The following PHLPP1 variants were observed in gnomAD, a reference collection of about 807,000 sequenced individuals.
The protein encoded by PHLPP1 is PH domain leucine-rich repeat-containing protein phosphatase 1.
Under a neutral mutation model 117.2 loss-of-function variants are expected in PHLPP1, and 42 were observed. The observed-to-expected ratio is 0.36, with a 90% CI of 0.28 to 0.46. The LOEUF (loss-of-function observed/expected upper bound fraction) is 0.46. Ranked by LOEUF, PHLPP1 falls within the 20% of genes least tolerant of loss-of-function variation. PHLPP1 has a pLI of 1.00. For missense variants in PHLPP1, 2,084 were observed against 2,241.9 expected (o/e 0.93, Z 1.42); for synonymous variants, 1,042 against 970.7 (o/e 1.07, Z -1.37).
chr18:62,938,994 C>CTTTCT (rs368316862), intron 10 of PHLPP1, among the ~76,000 whole-genome samples: 228 of 128,502 alleles, frequency 1.8e-3, no homozygotes, highest in Middle Eastern at 7.9e-3. Context: ...TTCTTTCTTT[C>CTTTCT]TTTTTTTTTT....
intron 13 of PHLPP1, among the ~76,000 whole-genome samples, chr18:62,959,825 T>C (rs1910714415): frequency 6.6e-6 from 1 of 152,186 alleles, no homozygotes; most frequent in Non-Finnish European, 1.5e-5. Flanking sequence ...CCTAATTTGT[T>C]GGCATTTTAG....
chr18:62,855,611 CCTAGTTCTACATAG>C (rs1416143840), intron 3 of PHLPP1, among the ~76,000 whole-genome samples: 1 of 152,202 alleles, frequency 6.6e-6, no homozygotes, highest in Non-Finnish European at 1.5e-5. Context: ...GATAGACATT[CCTAGTTCTACATAG>C]CTCACACAGG....
At chr18:62,972,110 A>G (rs1293688849) in intron 14 of PHLPP1, among the ~76,000 whole-genome samples, 1 of 152,184 alleles carries the variant, frequency 6.6e-6, no homozygotes, top group Non-Finnish European at 1.5e-5. Context: ...TGCTTTTCAT[A>G]TAGGTTTCGT....
intron 10 of PHLPP1, among the ~76,000 whole-genome samples, chr18:62,931,337 G>T (rs953153814): frequency 6.6e-6 from 1 of 151,928 alleles, no homozygotes; most frequent in East Asian, 1.9e-4. Flanking sequence ...AAAGCCTCTG[G>T]GATACAGCAA....
In PHLPP1 at chr18:62,919,893, G is replaced by A. The variant is rs879392752; in HGVS notation, c.2805-66G>A. 71 of 1,148,320 alleles carry A rather than the reference G, an allele frequency of 6.2e-5. 1 individual carries two copies. The highest frequency in any genetic ancestry group is 8.4e-5 in the Non-Finnish European group (67 of 799,614). 71.1% of individuals were successfully genotyped at this position (1,148,320 alleles called of 1,614,324 possible). On this transcript the variant is annotated intron_variant, in intron 9 of 16. Transcript: ENST00000262719. ...TGCTCCAAGTGAATTTGTGATTTTT[G>A]GAGAGGTAATTTTAAGTATTCTTTA...
At chr18:62,930,462 AG>A (rs1232250525) in intron 10 of PHLPP1, among the ~76,000 whole-genome samples, 2 of 97,010 alleles carry the variant, frequency 2.1e-5, no homozygotes, top group Non-Finnish European at 4.6e-5. Flanking sequence ...AACCAACAAC[AG>A]TAAAAAAAAA....
intron 1 of PHLPP1, among the ~76,000 whole-genome samples, chr18:62,823,741 G>A (rs1319590615): frequency 2.0e-5 from 3 of 152,052 alleles, no homozygotes; most frequent in African/African-American, 7.2e-5. Flanking sequence ...AAGAAGATAT[G>A]CGGATCACAA....
At chr18:62,749,438 T>A (rs1487947467) in intron 1 of PHLPP1, among the ~76,000 whole-genome samples, 1 of 152,252 alleles carries the variant, frequency 6.6e-6, no homozygotes, top group Non-Finnish European at 1.5e-5. Flanking sequence ...CTTCTTCCTT[T>A]TCTTCCTTTC....
chr18:62,794,898 T>C (rs1406705322), intron 1 of PHLPP1, among the ~76,000 whole-genome samples: 1 of 152,108 alleles, frequency 6.6e-6, no homozygotes, highest in African/African-American at 2.4e-5. Context: ...TTTACTAACC[T>C]AACCACATTA....
chr18:62,717,470 A>G (rs1431350960), intron 1 of PHLPP1, among the ~76,000 whole-genome samples: 1 of 152,138 alleles, frequency 6.6e-6, no homozygotes, highest in Non-Finnish European at 1.5e-5. Flanking sequence ...GAGGGCTCAG[A>G]GGTTGGAAAG....
chr18:62,782,405 A>G (rs1913144477), intron 1 of PHLPP1, among the ~76,000 whole-genome samples: 1 of 152,360 alleles, frequency 6.6e-6, no homozygotes, highest in East Asian at 1.9e-4. Context: ...ATTGGGTGGA[A>G]TAATTCAGGG....
chr18:62,833,467 A>G (rs1164134415), intron 2 of PHLPP1, among the ~76,000 whole-genome samples: 2 of 152,188 alleles, frequency 1.3e-5, no homozygotes, highest in Admixed American at 1.3e-4. Context: ...AACTGTGGGG[A>G]TATCAATACC....
At chr18:62,766,655 G>A (rs1008820401) in intron 1 of PHLPP1, among the ~76,000 whole-genome samples, 1 of 152,044 alleles carries the variant, frequency 6.6e-6, no homozygotes, top group African/African-American at 2.4e-5. Flanking sequence ...CGCTTTATTA[G>A]TAATAAAGCT....
rs1406291994 is a variant in PHLPP1, at chr18:62,716,257, C to G, written c.574C>G (p.Arg192Gly). Reference sequence around the variant, plus strand: ...GACGCTGCAGCTGCAGCCGTCGGACCGGGACTGGGTGAGGCACCAGCTCCA... The same window carrying G: ...GACGCTGCAGCTGCAGCCGTCGGACGGGGACTGGGTGAGGCACCAGCTCCA... ...RQTLQLQPSDRDWVRHQLQRG... is the reference protein window; with the variant it reads ...RQTLQLQPSDGDWVRHQLQRG... Residue 192 changes from arginine to glycine, a missense_variant, in exon 1 of 17, where the codon CGG becomes GGG. Around this residue, in one of 2 missense-constraint regions of PHLPP1, gnomAD observed 719 missense variants for 636.0 expected, o/e 1.13. Transcript: ENST00000262719. The surrounding 1 kb of genome is among the most constrained non-coding windows in gnomAD (Gnocchi z 5.7). 3.6e-5 allele frequency: 55 copies of G among 1,530,492 alleles called. No individual in the cohort carries two copies. The highest frequency in any genetic ancestry group is 4.8e-5 in the Non-Finnish European group (55 of 1,144,930). The allele number at this position is 1,530,492 out of a possible 1,614,324, so 94.8% of individuals were successfully genotyped here. A position where few individuals can be genotyped will look rare whatever the true frequency, so the allele number is the denominator to read the frequency against.
At chr18:62,923,770 G>C (rs1909544260) in intron 10 of PHLPP1, among the ~76,000 whole-genome samples, 1 of 152,124 alleles carries the variant, frequency 6.6e-6, no homozygotes. Context: ...TGATGAGTTT[G>C]AGGGGGAAAT....
At chr18:62,787,494 T>G (rs1411142332) in intron 1 of PHLPP1, among the ~76,000 whole-genome samples, 1 of 152,126 alleles carries the variant, frequency 6.6e-6, no homozygotes, top group Non-Finnish European at 1.5e-5. Flanking sequence ...AGGGAGGAAC[T>G]GAGGGGAGCA....
At chr18:62,865,696 A>G (rs974632097) in intron 4 of PHLPP1, among the ~76,000 whole-genome samples, 1 of 152,244 alleles carries the variant, frequency 6.6e-6, no homozygotes, top group Non-Finnish European at 1.5e-5. Context: ...ATGGAATACT[A>G]TGCAGCCATA....
chr18:62,930,621 G>A (rs1383307582), intron 10 of PHLPP1, among the ~76,000 whole-genome samples: 1 of 152,212 alleles, frequency 6.6e-6, no homozygotes, highest in African/African-American at 2.4e-5. Context: ...GGGGATTTCA[G>A]TATCTCATTA....
chr18:62,978,586 G>A lies in PHLPP1; in HGVS notation c.4309G>A (p.Gly1437Ser), dbSNP rs200344902. Residue 1437 changes from glycine (G) to serine (S), a missense_variant, in exon 17 of 17, where the codon GGT becomes AGT. Physicochemically the swap from Gly to Ser is moderately conservative, Grantham distance 56. Around this residue, in one of 2 missense-constraint regions of PHLPP1, gnomAD observed 1,365 missense variants for 1,605.9 expected, o/e 0.85. Transcript: ENST00000262719. This position sits in a 1 kb window ranked among gnomAD's most constrained non-coding sequence, Gnocchi z 7.0. ...DSFCCCELSA[G>S]GAVPPPSPGI... ...CTTCTGCTGCTGCGAGCTCAGCGCCGGTGGGGCTGTGCCACCACCCAGTCC... is the reference window on the plus strand; with the variant it reads ...CTTCTGCTGCTGCGAGCTCAGCGCCAGTGGGGCTGTGCCACCACCCAGTCC... 5.7e-4 allele frequency: 915 copies of A among 1,613,352 alleles called. 2 individuals carry two copies. The African/African-American group carries it at 0.01, about 18-fold the overall frequency.
Sources: gnomAD v4.1 joint callset for allele counts (sites outside exome capture counted in the v4.1 genomes callset) on GRCh38, gnomAD v4.1.1 for gene constraint, gnomAD v4.1.1 regional missense constraint, Gnocchi (gnomAD v3.1) non-coding constraint, MANE v1.5 for transcripts, NCBI Gene and HGNC (gene_info 2026-07-23, HGNC 2026-07-21) for gene names.